Variants in GRIA4 observed in about 807,000 individuals in gnomAD.
GRIA4 encodes glutamate receptor 4.
A neutral mutation model predicts 104.0 loss-of-function variants in GRIA4; 34 were observed. The ratio of observed to expected loss-of-function variants is 0.33; its 90% CI spans 0.25 to 0.44. The LOEUF (loss-of-function observed/expected upper bound fraction) is 0.44, where lower values mean the gene tolerates loss of function less well. GRIA4 is among the 20% of genes least tolerant of loss of function. The pLI is 1.00. For synonymous variants in GRIA4, 386 were observed against 381.9 expected, an observed-to-expected ratio of 1.01 and a Z score of -0.13; for missense variants, 750 against 1,096.5, an observed-to-expected ratio of 0.68 and a Z score of 4.46.
chr11:105,924,976 C>T (rs1479000216), intron 12 of GRIA4, among the ~76,000 whole-genome samples: 4 of 152,040 alleles, frequency 2.6e-5, no homozygotes, highest in Non-Finnish European at 5.9e-5. Context: ...AGCAAAGAAA[C>T]TATGCAATCC....
intron 3 of GRIA4, among the ~76,000 whole-genome samples, chr11:105,745,000 C>T (rs965959223): frequency 6.6e-6 from 1 of 151,956 alleles, no homozygotes; most frequent in East Asian, 1.9e-4. Flanking sequence ...ATAGGTAAAC[C>T]TTTTAATACA....
rs1020257874 is a variant in GRIA4 at position 105,981,112 on chromosome 11, G to A, written c.*1373G>A. On this transcript the variant is annotated 3_prime_UTR_variant, in exon 17 of 17. Coordinates refer to ENST00000282499, the MANE Select transcript of GRIA4 (RefSeq NM_000829.4). ...AAGAATTAGTCTTTGTTTTCAACTG[G>A]AAATTGTAAAGAAAATTATACTCAT... 19 of 152,582 alleles carry A rather than the reference G, an allele frequency of 1.2e-4. No individual in the cohort carries two copies. Among genetic ancestry groups the A allele is most frequent in the Non-Finnish European group, 2.6e-4 (18 of 68,026 alleles). 9.5% of individuals were successfully genotyped at this position (152,582 alleles called of 1,614,324 possible).
chr11:105,845,570 G>GA (rs1307779785), intron 4 of GRIA4, among the ~76,000 whole-genome samples: 5 of 152,168 alleles, frequency 3.3e-5, no homozygotes, highest in African/African-American at 9.6e-5. Context: ...TTCTTCATCT[G>GA]AAAAAAGTAT....
At position 105,687,397 on chromosome 11, in the gene GRIA4, C is replaced by A. The variant is rs79155671; in HGVS notation, c.248-65584C>A. ...TGCTCCTATGTGCCAGATTCTACTG[C>A]AGTTATGCTATATAGAAGGCAGAAA... On this transcript the variant is annotated intron_variant, in intron 3 of 16. Transcript: ENST00000282499. Among the ~76,000 whole-genome samples the A allele has an allele frequency of 8.0e-3, 1,220 of 152,238 alleles. 30 individuals are homozygous for A. The highest frequency in any genetic ancestry group is 0.028 in the African/African-American group (1,161 of 41,548).
intron 3 of GRIA4, among the ~76,000 whole-genome samples, chr11:105,665,317 A>T (rs1176722342): frequency 2.0e-5 from 3 of 151,920 alleles, no homozygotes; most frequent in Non-Finnish European, 2.9e-5. Context: ...ACCTTATGAG[A>T]AATATACTTT....
At chr11:105,681,483 T>A (rs976497954) in intron 3 of GRIA4, among the ~76,000 whole-genome samples, 1 of 152,216 alleles carries the variant, frequency 6.6e-6, no homozygotes, top group Non-Finnish European at 1.5e-5. Context: ...TATCTATATT[T>A]CTAAAACGTA....
At chr11:105,966,426 A>G (rs1183766394) in intron 14 of GRIA4, among the ~76,000 whole-genome samples, 1 of 152,072 alleles carries the variant, frequency 6.6e-6, no homozygotes, top group Non-Finnish European at 1.5e-5. Context: ...GTTTTTTTTC[A>G]CCATTACTTT....
At position 105,908,573 on chromosome 11, in the gene GRIA4, C is replaced by CT. The variant is rs5794434; in HGVS notation, c.1159-1849dup. On this transcript the variant is annotated intron_variant, in intron 9 of 16. Coordinates refer to ENST00000282499, the MANE Select transcript of GRIA4 (RefSeq NM_000829.4). The stretch of plus-strand genomic sequence containing the variant: ...CCCATATCACAAAATATGACTTTCT[C>CT]TTTTTTTTTTTTTAACCAGAATTGC... Among the ~76,000 whole-genome samples, 994 of 135,856 alleles carry CT rather than the reference C, an allele frequency of 7.3e-3. 14 individuals are homozygous for CT. The highest frequency in any genetic ancestry group is 0.023 in the African/African-American group (843 of 36,828). 89.1% of individuals were successfully genotyped at this position (135,856 alleles called of 152,430 possible). A position where few individuals can be genotyped will look rare whatever the true frequency, so the allele number is the denominator to read the frequency against.
intron 4 of GRIA4, among the ~76,000 whole-genome samples, chr11:105,853,170 A>G (rs1221855073): frequency 4.6e-5 from 7 of 152,174 alleles, no homozygotes; most frequent in Admixed American, 4.6e-4. Context: ...TGCACCCTCA[A>G]TTAATGAGTC....
At chr11:105,958,227 A>C (rs1948640893) in intron 14 of GRIA4, among the ~76,000 whole-genome samples, 1 of 152,192 alleles carries the variant, frequency 6.6e-6, no homozygotes, top group East Asian at 1.9e-4. Context: ...TTGCCCATTC[A>C]GTATGATATT....
intron 14 of GRIA4, among the ~76,000 whole-genome samples, chr11:105,958,179 T>C (rs1450172503): frequency 2.0e-5 from 3 of 152,188 alleles, no homozygotes; most frequent in African/African-American, 7.2e-5. Flanking sequence ...AGGGCACCCC[T>C]GTCTTGTGCC....
chr11:105,744,776 G>C (rs1204427192), intron 3 of GRIA4, among the ~76,000 whole-genome samples: 1 of 152,130 alleles, frequency 6.6e-6, no homozygotes, highest in Admixed American at 6.5e-5. Context: ...TTAAAGACAA[G>C]TCAAAGAGTT....
rs543058395 is a variant in GRIA4, at chr11:105,614,735, T to C, written c.247+2301T>C. Among the ~76,000 whole-genome samples the C allele has an allele frequency of 3.3e-5, 5 of 152,118 alleles. No individual in the cohort carries two copies. The South Asian group carries it at 1.0e-3, about 32-fold the overall frequency. On this transcript the variant is annotated intron_variant, in intron 3 of 16. Transcript: ENST00000282499. ...AAGTTATTTTGACAAATGAGCATGC[T>C]GAAAATCCTTAAGGCAAATCTAAGC...
intron 5 of GRIA4, among the ~76,000 whole-genome samples, chr11:105,886,120 T>G (rs1395123461): frequency 1.3e-5 from 2 of 152,208 alleles, no homozygotes; most frequent in African/African-American, 4.8e-5. Flanking sequence ...AGCAGAAATT[T>G]TATTTCACCA....
intron 3 of GRIA4, among the ~76,000 whole-genome samples, chr11:105,689,858 G>A (rs533910543): frequency 1.3e-5 from 2 of 152,320 alleles, no homozygotes; most frequent in African/African-American, 2.4e-5. Context: ...GGCTTTTGCA[G>A]TGCAGAGCTT....
At chr11:105,971,008 T>C (rs1858661781) in intron 14 of GRIA4, among the ~76,000 whole-genome samples, 1 of 152,154 alleles carries the variant, frequency 6.6e-6, no homozygotes, top group African/African-American at 2.4e-5. Context: ...AGGAGACAAA[T>C]AGAGTCTCTA....
chr11:105,680,113 T>G lies in GRIA4; in HGVS notation c.247+67679T>G, dbSNP rs1412645832. Among the ~76,000 whole-genome samples, 5 of 152,158 alleles carry G rather than the reference T, an allele frequency of 3.3e-5. No individual in the cohort carries two copies. The East Asian group carries it at 9.6e-4, about 29-fold the overall frequency. On this transcript the variant is annotated intron_variant, in intron 3 of 16. Transcript: ENST00000282499. ...AGAAGCATGAGGATTCCAAACTGCCTAAGTGGTTAACATCTAGTTTAGTTG... is the reference window on the plus strand; with the variant it reads ...AGAAGCATGAGGATTCCAAACTGCCGAAGTGGTTAACATCTAGTTTAGTTG...
intron 3 of GRIA4, among the ~76,000 whole-genome samples, chr11:105,733,993 A>G (rs10895872): frequency 0.54 from 78,747 of 146,630 alleles, 21,267 homozygotes; most frequent in Admixed American, 0.61. Flanking sequence ...CTACATGAAT[A>G]CATATATATA....
At chr11:105,620,858 T>C (rs1950725696) in intron 3 of GRIA4, among the ~76,000 whole-genome samples, 1 of 151,848 alleles carries the variant, frequency 6.6e-6, no homozygotes. Context: ...TTTTCCAGAA[T>C]GCTTCATTTA....
Sources: gnomAD v4.1 joint callset for allele counts (sites outside exome capture counted in the v4.1 genomes callset) on GRCh38, gnomAD v4.1.1 for gene constraint, MANE v1.5 for transcripts, NCBI Gene and HGNC (gene_info 2026-07-23, HGNC 2026-07-21) for gene names.